EYS: variants seen among roughly 807,000 people sequenced by gnomAD.
EYS encodes protein eyes shut homolog.
Under a neutral mutation model 282.1 loss-of-function variants are expected in EYS, and 250 were observed. The ratio of observed to expected loss-of-function variants is 0.89; its 90% CI spans 0.80 to 0.98. The LOEUF is 0.98. Among genes scored for constraint, EYS ranks in the 50% least tolerant of loss-of-function variants. The probability of loss-of-function intolerance (pLI) is 0.00; values close to 1 mark genes in which losing one functional copy is unlikely to be tolerated. For synonymous variants in EYS, 1,355 were observed against 1,282.9 expected (o/e 1.06, Z -1.20); for missense variants, 4,016 against 3,709.0 (o/e 1.08, Z -2.15).
At chr6:64,196,594 G>A (rs1279040688) in intron 31 of EYS, among the ~76,000 whole-genome samples, 2 of 151,986 alleles carry the variant, frequency 1.3e-5, no homozygotes, top group African/African-American at 2.4e-5. Flanking sequence ...GTCCTTTATA[G>A]GGACATGGAT....
At chr6:64,990,835 C>T (rs182918178) in intron 14 of EYS, among the ~76,000 whole-genome samples, 1 of 151,710 alleles carries the variant, frequency 6.6e-6, no homozygotes, top group African/African-American at 2.4e-5. Context: ...CATTAAAGCT[C>T]ACATACTTGT....
intron 30 of EYS, among the ~76,000 whole-genome samples, chr6:64,282,009 A>G (rs1252670094): frequency 6.6e-6 from 1 of 152,154 alleles, no homozygotes; most frequent in African/African-American, 2.4e-5. Flanking sequence ...GAGAGAATGC[A>G]TTGACTGTGA....
At chr6:64,750,044 T>C (rs1018617058) in intron 22 of EYS, among the ~76,000 whole-genome samples, 1 of 152,104 alleles carries the variant, frequency 6.6e-6, no homozygotes. Context: ...TTAATTTGAC[T>C]ACAGAATATA....
At chr6:64,150,565 T>C (rs1774667799) in intron 31 of EYS, among the ~76,000 whole-genome samples, 1 of 152,218 alleles carries the variant, frequency 6.6e-6, no homozygotes, top group Non-Finnish European at 1.5e-5. Flanking sequence ...CTAAATTTCC[T>C]TTTTCAGATT....
intron 2 of EYS, among the ~76,000 whole-genome samples, chr6:65,622,836 C>G (rs1283039700): frequency 1.3e-5 from 2 of 151,520 alleles, no homozygotes; most frequent in Non-Finnish European, 2.9e-5. Context: ...CAGCTCATTG[C>G]AGCTTCAACC....
At chr6:63,839,647 C>T (rs1001312175) in intron 36 of EYS, among the ~76,000 whole-genome samples, 2 of 152,158 alleles carry the variant, frequency 1.3e-5, no homozygotes, top group African/African-American at 2.4e-5. Context: ...CAGTGCCCAG[C>T]CTTGGTTATT....
chr6:65,536,593 T>G (rs1382797722), intron 2 of EYS, among the ~76,000 whole-genome samples: 2 of 152,174 alleles, frequency 1.3e-5, no homozygotes, highest in East Asian at 3.9e-4. Context: ...CACTAGCTAT[T>G]TGGATAATAT....
chr6:65,353,010 C>T (rs1387709606), intron 9 of EYS, among the ~76,000 whole-genome samples: 1 of 151,938 alleles, frequency 6.6e-6, no homozygotes, highest in African/African-American at 2.4e-5. Flanking sequence ...GGGTCATTTT[C>T]TCATGGAAAC....
At chr6:65,232,202 C>G (rs960600650) in intron 12 of EYS, among the ~76,000 whole-genome samples, 1 of 151,960 alleles carries the variant, frequency 6.6e-6, no homozygotes, top group Admixed American at 6.6e-5. Context: ...TATTTGTGCA[C>G]CATTGCATGG....
At chr6:63,818,789 A>G (rs1415345527) in intron 36 of EYS, among the ~76,000 whole-genome samples, 1 of 152,102 alleles carries the variant, frequency 6.6e-6, no homozygotes, top group Non-Finnish European at 1.5e-5. Context: ...CTCAAAACCT[A>G]ACTAACCCCA....
At chr6:64,161,361 G>T (rs896842690) in intron 31 of EYS, among the ~76,000 whole-genome samples, 1 of 152,114 alleles carries the variant, frequency 6.6e-6, no homozygotes, top group Non-Finnish European at 1.5e-5. Context: ...CCAGACCCAA[G>T]GGGAAGCAAA....
intron 31 of EYS, among the ~76,000 whole-genome samples, chr6:64,096,238 C>T (rs2150255603): frequency 6.6e-6 from 1 of 152,250 alleles, no homozygotes. Flanking sequence ...CTTGAAGTTG[C>T]TTTTCTCGAG....
intron 22 of EYS, among the ~76,000 whole-genome samples, chr6:64,695,659 A>T (rs1272495670): frequency 1.4e-5 from 2 of 147,978 alleles, no homozygotes; most frequent in Non-Finnish European, 3.0e-5. Flanking sequence ...ATCTTAGCTC[A>T]CTGCAACCTC....
chr6:64,691,816 G>T (rs1234248901), intron 22 of EYS, among the ~76,000 whole-genome samples: 3 of 152,152 alleles, frequency 2.0e-5, no homozygotes, highest in Non-Finnish European at 4.4e-5. Flanking sequence ...CCATCTTGCT[G>T]CAAAGGACAT....
At chr6:64,609,260 G>T (rs1368228783) in intron 24 of EYS, among the ~76,000 whole-genome samples, 1 of 152,270 alleles carries the variant, frequency 6.6e-6, no homozygotes, top group South Asian at 2.1e-4. Flanking sequence ...TGTTGTGGCA[G>T]TATTATGAGG....
chr6:65,404,700 T>C (rs2150365168), intron 6 of EYS, among the ~76,000 whole-genome samples: 1 of 152,004 alleles, frequency 6.6e-6, no homozygotes, highest in East Asian at 1.9e-4. Flanking sequence ...AATGGACAAT[T>C]CTCCAGGGGA....
chr6:64,019,511 A>G (rs528997139), intron 33 of EYS, among the ~76,000 whole-genome samples: 1 of 151,860 alleles, frequency 6.6e-6, no homozygotes, highest in East Asian at 1.9e-4. Context: ...CCTGGATTCA[A>G]GTGATTCTCC....
rs191011408 is a variant in EYS, at chr6:64,060,534, T to A, written c.6725+5804A>T. On this transcript the variant is annotated intron_variant, in intron 33 of 42. Coordinates refer to ENST00000503581, the MANE Select transcript of EYS (RefSeq NM_001142800.2). The stretch of plus-strand genomic sequence containing the variant: ...CTTAATTTGATATGACCAAAATCAA[T>A]CCTACTCAGAATCATTCTTCCCATT... Among the ~76,000 whole-genome samples, 289 of 152,244 alleles carry A rather than the reference T, an allele frequency of 1.9e-3. 1 individual carries two copies. Among genetic ancestry groups the A allele is most frequent in the South Asian group, 2.1e-3 (10 of 4,822 alleles).
chr6:65,613,313 C>A (rs1013866294), intron 2 of EYS, among the ~76,000 whole-genome samples: 8 of 151,638 alleles, frequency 5.3e-5, no homozygotes, highest in African/African-American at 1.9e-4. Context: ...GGTGACTTCT[C>A]CATGGATAAG....
Sources: allele counts gnomAD v4.1 joint callset (sites outside exome capture counted in the v4.1 genomes callset), GRCh38; gene constraint gnomAD v4.1.1; transcripts MANE v1.5; gene names NCBI Gene and HGNC (gene_info 2026-07-23, HGNC 2026-07-21).